Variants in PLCG2 observed in about 807,000 individuals in gnomAD.
The protein encoded by PLCG2 is 1-phosphatidylinositol 4,5-bisphosphate phosphodiesterase gamma-2.
A neutral mutation model predicts 175.6 loss-of-function variants in PLCG2; 69 were observed. The observed-to-expected ratio is 0.39, with a 90% CI of 0.32 to 0.48. The LOEUF (loss-of-function observed/expected upper bound fraction) is 0.48. Ranked by LOEUF, PLCG2 falls within the 20% of genes least tolerant of loss-of-function variation. The pLI is 0.91. For synonymous variants in PLCG2, 827 were observed against 624.0 expected (o/e 1.33, Z -4.85); for missense variants, 1,798 against 1,650.9 (o/e 1.09, Z -1.54).
intron 31 of PLCG2, 110 bp downstream of exon 31, chr16:81,946,373 C>G (rs1567545510): frequency 2.6e-6 from 2 of 774,752 alleles, no homozygotes; most frequent in East Asian, 2.5e-5. Context: ...TCAGAATTGT[C>G]TAGCCCAAGC....
At chr16:81,787,874 T>C (rs1597318609) in intron 2 of PLCG2, among the ~76,000 whole-genome samples, 1 of 152,190 alleles carries the variant, frequency 6.6e-6, no homozygotes, top group South Asian at 2.1e-4. Flanking sequence ...TTTTTCAAGG[T>C]TCATCCACTT....
chr16:81,961,197 C>G lies in PLCG2; in HGVS notation c.*3199C>G, dbSNP rs866774748. 1 of 227,636 alleles carries G rather than the reference C, an allele frequency of 4.4e-6. No homozygotes were observed. The highest frequency in any genetic ancestry group is 2.2e-5 in the African/African-American group (1 of 45,156). 14.1% of individuals were successfully genotyped at this position (227,636 alleles called of 1,614,324 possible). Reference sequence around the variant, plus strand: ...GGGTTGGAAGAATTCAGTGATTCTGCTATCATAAAGCTTCCGTTCCCATTG... The same window carrying G: ...GGGTTGGAAGAATTCAGTGATTCTGGTATCATAAAGCTTCCGTTCCCATTG... On this transcript the variant is annotated 3_prime_UTR_variant, in exon 33 of 33. Coordinates refer to ENST00000564138, the MANE Select transcript of PLCG2 (RefSeq NM_002661.5).
At chr16:81,947,064 T>A (rs1301233380) in intron 31 of PLCG2, among the ~76,000 whole-genome samples, 5 of 152,176 alleles carry the variant, frequency 3.3e-5, no homozygotes, top group Non-Finnish European at 7.3e-5. Flanking sequence ...AAAATGGTTT[T>A]AGATTGTGGT....
At position 81,910,598 on chromosome 16, in the gene PLCG2, C is replaced by A; in HGVS notation, c.1812C>A (p.Asn604Lys). The change falls in exon 18 of 33, where the codon AAC becomes AAA. Residue 604 changes from asparagine (N) to lysine (K), a missense_variant. Physicochemically the swap from Asn to Lys is moderately conservative, Grantham distance 94. Coordinates refer to ENST00000564138, the MANE Select transcript of PLCG2 (RefSeq NM_002661.5). ...CCCTGAAATACTACTTGACTGACAA[C>A]CTCACCTTCAGCAGCATCTATGCCC... is the stretch of plus-strand genomic sequence containing the variant. ...GGTLKYYLTD[N>K]LTFSSIYALI... 1.2e-6 allele frequency: 2 copies of A among 1,614,156 alleles called. No individual in the cohort carries two copies. Among genetic ancestry groups the A allele is most frequent in the Non-Finnish European group, 1.7e-6 (2 of 1,180,006 alleles).
intron 2 of PLCG2, among the ~76,000 whole-genome samples, chr16:81,831,724 G>A (rs1905266363): frequency 6.6e-6 from 1 of 152,150 alleles, no homozygotes. Context: ...GGGCTAGAGG[G>A]TAATGGGGAC....
intron 2 of PLCG2, among the ~76,000 whole-genome samples, chr16:81,848,431 T>C (rs978503805): frequency 3.9e-4 from 59 of 152,190 alleles, no homozygotes; most frequent in African/African-American, 1.3e-3. Flanking sequence ...GCTTGTATCA[T>C]TAGAATGGCT....
At chr16:81,903,715 G>A (rs73596862) in intron 14 of PLCG2, among the ~76,000 whole-genome samples, 6,710 of 152,212 alleles carry the variant, frequency 0.044, 435 homozygotes, top group African/African-American at 0.15. Flanking sequence ...AGTCTTCGGG[G>A]CAGCCTGGTT....
intron 2 of PLCG2, among the ~76,000 whole-genome samples, chr16:81,843,444 C>A (rs956384574): frequency 2.0e-5 from 3 of 152,200 alleles, no homozygotes; most frequent in African/African-American, 7.2e-5. Flanking sequence ...TATATTACAT[C>A]ATATTACACA....
intron 7 of PLCG2, among the ~76,000 whole-genome samples, chr16:81,877,666 A>G (rs1907866608): frequency 6.6e-6 from 1 of 152,206 alleles, no homozygotes; most frequent in Non-Finnish European, 1.5e-5. Context: ...GGCTGCCAGC[A>G]GTCCTACAAG....
intron 31 of PLCG2, among the ~76,000 whole-genome samples, chr16:81,952,833 G>C (rs531955200): frequency 1.3e-5 from 2 of 152,312 alleles, no homozygotes; most frequent in East Asian, 1.9e-4. Flanking sequence ...GAAAGTTGGA[G>C]GAGAAATATA....
At chr16:81,869,390 A>G (rs1336080788) in intron 6 of PLCG2, 92 bp downstream of exon 6, 3 of 847,998 alleles carry the variant, frequency 3.5e-6, no homozygotes, top group Admixed American at 1.8e-5. Flanking sequence ...GTTCCGTGGA[A>G]TAGTGCACAA....
chr16:81,848,377 C>T (rs1906231501), intron 2 of PLCG2, among the ~76,000 whole-genome samples: 1 of 152,124 alleles, frequency 6.6e-6, no homozygotes, highest in Non-Finnish European at 1.5e-5. Context: ...CCAAAGGGTG[C>T]TTGTTTGGGC....
chr16:81,956,855 T>A lies in PLCG2; in HGVS notation c.3731T>A (p.Leu1244Gln), dbSNP rs756762647. 1.9e-6 allele frequency: 3 copies of A among 1,613,854 alleles called. No individual in the cohort carries two copies. In the South Asian group the frequency reaches 3.3e-5, roughly 18 times the overall value. The stretch of plus-strand genomic sequence containing the variant: ...AGTGTTAATGAGAACCAGCTCCAGC[T>A]GTACCAGGAGAAATGCAACAAGAGG... ...EFSVNENQLQLYQEKCNKRLR... is the reference protein window; with the variant it reads ...EFSVNENQLQQYQEKCNKRLR... The change falls in exon 32 of 33, where the codon CTG becomes CAG. Residue 1244 changes from leucine (L) to glutamine (Q), a missense_variant. Transcript: ENST00000564138.
At chr16:81,774,379 C>G (rs1433648918), upstream of PLCG2, among the ~76,000 whole-genome samples, 1 of 151,888 alleles carries the variant, frequency 6.6e-6, no homozygotes. Context: ...AAACCGGGGG[C>G]TCCACCAAGC....
intron 19 of PLCG2, among the ~76,000 whole-genome samples, chr16:81,915,666 A>C (rs934592545): frequency 5.3e-5 from 8 of 152,088 alleles, no homozygotes; most frequent in African/African-American, 1.9e-4. Flanking sequence ...CGATGATCCT[A>C]ATGCTCCCCA....
chr16:81,755,370 A>T (rs867005032), intron 1 of PLCG2, among the ~76,000 whole-genome samples: 5 of 136,904 alleles, frequency 3.7e-5, no homozygotes, highest in East Asian at 2.2e-4. Flanking sequence ...CTAATTTTGT[A>T]TTTTTTTTTT....
At chr16:81,902,258 C>T (rs1909183825) in intron 14 of PLCG2, among the ~76,000 whole-genome samples, 4 of 152,186 alleles carry the variant, frequency 2.6e-5, no homozygotes, top group Non-Finnish European at 1.5e-5. Context: ...GAAGGACAAA[C>T]AGCTGTTTCC....
chr16:81,846,569 A>G (rs1374307922), intron 2 of PLCG2, among the ~76,000 whole-genome samples: 1 of 152,228 alleles, frequency 6.6e-6, no homozygotes, highest in African/African-American at 2.4e-5. Context: ...TGTATCTGTA[A>G]GACCCTTGAG....
chr16:81,770,863 C>A lies in PLCG2; in HGVS notation c.-48+14897C>A, dbSNP rs551230798. On this transcript the variant is annotated intron_variant, in intron 2 of 5. Coordinates refer to the PLCG2 transcript ENST00000565054. ...CGTGAGGTCAGGAGATCGAGACCATCCTGGCTAACACGGTGAAATCCCATC... is the reference window on the plus strand; with the variant it reads ...CGTGAGGTCAGGAGATCGAGACCATACTGGCTAACACGGTGAAATCCCATC... Among the ~76,000 whole-genome samples, 5 of 152,012 alleles carry A rather than the reference C, an allele frequency of 3.3e-5. No individual in the cohort carries two copies. The East Asian group carries it at 9.6e-4, about 29-fold the overall frequency.
Sources: gnomAD v4.1 joint callset for allele counts (sites outside exome capture counted in the v4.1 genomes callset) on GRCh38, gnomAD v4.1.1 for gene constraint, MANE v1.5 for transcripts, NCBI Gene and HGNC (gene_info 2026-07-23, HGNC 2026-07-21) for gene names.